Variants in TXNRD3 observed in about 807,000 individuals in gnomAD.
TXNRD3 encodes the protein TXNRD3 neighbor gene protein.
In TXNRD3, 68 loss-of-function variants were observed where a neutral mutation model predicts 78.2. That is an observed-to-expected ratio of 0.87 (90% CI 0.72 to 1.06). The LOEUF is 1.06. TXNRD3 is among the 50% of genes least tolerant of loss of function. TXNRD3 has a pLI of 0.00. For missense variants in TXNRD3, 751 were observed against 809.5 expected, an observed-to-expected ratio of 0.93 and a Z score of 0.88; for synonymous variants, 296 against 300.1, an observed-to-expected ratio of 0.99 and a Z score of 0.14.
At chr3:126,643,762 G>T (rs373849050) in intron 5 of TXNRD3, among the ~76,000 whole-genome samples, 1 of 151,382 alleles carries the variant, frequency 6.6e-6, no homozygotes, top group Non-Finnish European at 1.5e-5. Flanking sequence ...TAGAGACAAG[G>T]TCTCACTATA....
At chr3:126,624,416 T>C (rs186845338) in intron 10 of TXNRD3, among the ~76,000 whole-genome samples, 141 of 151,690 alleles carry the variant, frequency 9.3e-4, no homozygotes, top group African/African-American at 3.3e-3. Context: ...CACAGTTAAA[T>C]GGTCTTTCTT....
At position 126,607,881 on chromosome 3, in the gene TXNRD3, AAGG is replaced by A; in HGVS notation, c.*21_*23del. ...TCTTTGAGAGAAATGAGAATATGAC[AAGG>A]AGAACTAAACAGCAGCAGGCCTAGC... On this transcript the variant is annotated 3_prime_UTR_variant, in exon 16 of 16. Coordinates refer to ENST00000524230, the MANE Select transcript of TXNRD3 (RefSeq NM_052883.3). 6.7e-7 allele frequency: 1 copy of A among 1,492,074 alleles called. No homozygotes were observed. Among genetic ancestry groups the A allele is most frequent in the Non-Finnish European group, 9.0e-7 (1 of 1,114,710 alleles). 92.4% of individuals were successfully genotyped at this position (1,492,074 alleles called of 1,614,324 possible).
In TXNRD3 at chr3:126,615,423, G is replaced by A. The variant is rs1938295402; in HGVS notation, c.1564C>T (p.Leu522=). ...GATAATCCACAGCAACCATACTCCA[G>A]AGGAGTAAACACTGTAGTCGGAACA... The change falls in exon 13 of 16, where the codon CTG becomes TTG. Residue 522 remains leucine, a synonymous_variant. Coordinates refer to ENST00000524230, the MANE Select transcript of TXNRD3 (RefSeq NM_052883.3). 1 of 1,519,052 alleles carries A rather than the reference G, an allele frequency of 6.6e-7. No individual in the cohort carries two copies. The highest frequency in any genetic ancestry group is 8.8e-7 in the Non-Finnish European group (1 of 1,138,740). The allele number at this position is 1,519,052 out of a possible 1,614,324, so 94.1% of individuals were successfully genotyped here. A position where few individuals can be genotyped will look rare whatever the true frequency, so the allele number is the denominator to read the frequency against.
At chr3:126,625,873 G>A (rs1434207250) in intron 10 of TXNRD3, 1 of 152,348 alleles carries the variant, frequency 6.6e-6, no homozygotes, top group African/African-American at 2.4e-5. Flanking sequence ...TCTCATTGTG[G>A]TTTTGATTTG....
chr3:126,618,737 T>C (rs1453623332), intron 12 of TXNRD3, among the ~76,000 whole-genome samples: 1 of 151,882 alleles, frequency 6.6e-6, no homozygotes, highest in Non-Finnish European at 1.5e-5. Flanking sequence ...AAAAAGCTTC[T>C]GCAATCAGCA....
At chr3:126,616,559 A>T (rs1359850394) in intron 12 of TXNRD3, among the ~76,000 whole-genome samples, 2 of 152,208 alleles carry the variant, frequency 1.3e-5, no homozygotes, top group Admixed American at 1.3e-4. Context: ...AGTTAGGCCA[A>T]GGAGGAGCAC....
At position 126,607,981 on chromosome 3, in the gene TXNRD3, A is replaced by G; in HGVS notation, c.1864-8T>C. Reference sequence around the variant, plus strand: ...TTCCAAAGTCGTGAACACCTGTTCAAGAGAAAGAAAACAAATACATATTTA... The same window carrying G: ...TTCCAAAGTCGTGAACACCTGTTCAGGAGAAAGAAAACAAATACATATTTA... On this transcript the variant is annotated splice_region_variant and splice_polypyrimidine_tract_variant and intron_variant, in intron 15 of 15. Coordinates refer to ENST00000524230, the MANE Select transcript of TXNRD3 (RefSeq NM_052883.3). 3 of 1,489,526 alleles carry G rather than the reference A, an allele frequency of 2.0e-6. No individual in the cohort carries two copies. Among genetic ancestry groups the G allele is most frequent in the Non-Finnish European group, 2.7e-6 (3 of 1,114,756 alleles). The allele number at this position is 1,489,526 out of a possible 1,614,324, so 92.3% of individuals were successfully genotyped here.
Position 126,630,949 on chromosome 3 carries a change from AAAT to A in TXNRD3, c.972-15_972-13del, listed in dbSNP as rs1938700803. On this transcript the variant is annotated splice_polypyrimidine_tract_variant and intron_variant, in intron 8 of 15. Transcript: ENST00000524230. ...AAAAAAGGTCATCACTGAAAAATAA[AAAT>A]TAAAAAAAGAATACCTAGGCAGCAA... 6.5e-7 allele frequency: 1 copy of A among 1,531,472 alleles called. No homozygotes were observed. The highest frequency in any genetic ancestry group is 2.0e-5 in the Admixed American group (1 of 50,160). The allele number at this position is 1,531,472 out of a possible 1,614,324, so 94.9% of individuals were successfully genotyped here.
intron 6 of TXNRD3, among the ~76,000 whole-genome samples, chr3:126,635,624 T>A (rs866605831): frequency 6.6e-6 from 1 of 152,158 alleles, no homozygotes; most frequent in East Asian, 1.9e-4. Flanking sequence ...AAAAGTCTCA[T>A]GGAGATCTTA....
intron 14 of TXNRD3, chr3:126,609,264 T>C (rs986005921): frequency 7.0e-6 from 2 of 285,424 alleles, no homozygotes; most frequent in East Asian, 1.1e-4. Flanking sequence ...AAGCATACAA[T>C]AGATGAAGAG....
intron 6 of TXNRD3, among the ~76,000 whole-genome samples, chr3:126,636,925 ATT>A (rs34611548): frequency 2.4e-4 from 34 of 140,774 alleles, no homozygotes; most frequent in Non-Finnish European, 2.5e-4. Context: ...TTCTTTTGTG[ATT>A]TTTTTTTTTT....
At position 126,642,761 on chromosome 3, in the gene TXNRD3, G is replaced by C. The variant is rs150306041; in HGVS notation, c.593-610C>G. ...TGTTCACACACCACAAGAACATTATGAGAAAAATCGAAGTAGATTAGCTTT... is the reference window on the plus strand; with the variant it reads ...TGTTCACACACCACAAGAACATTATCAGAAAAATCGAAGTAGATTAGCTTT... On this transcript the variant is annotated intron_variant, in intron 5 of 15. Transcript: ENST00000524230. Among the ~76,000 whole-genome samples the C allele has an allele frequency of 4.4e-3, 672 of 152,300 alleles. 6 individuals are homozygous for C. The highest frequency in any genetic ancestry group is 0.013 in the African/African-American group (553 of 41,566).
In TXNRD3 at chr3:126,642,254, G is replaced by T. The variant is rs188614659; in HGVS notation, c.593-103C>A. The T allele has an allele frequency of 2.0e-5, 27 of 1,338,456 alleles. No individual in the cohort carries two copies. In the East Asian group the frequency reaches 7.4e-4, roughly 37 times the overall value. 82.9% of individuals were successfully genotyped at this position (1,338,456 alleles called of 1,614,324 possible). On this transcript the variant is annotated intron_variant, in intron 5 of 15. Coordinates refer to ENST00000524230, the MANE Select transcript of TXNRD3 (RefSeq NM_052883.3). ...GTGGAAATGACAAGCTCAATGGTGG[G>T]GGGGATGACACCCCACCCCAAAATA...
At chr3:126,619,745 C>T (rs1938403825) in intron 12 of TXNRD3, among the ~76,000 whole-genome samples, 1 of 152,072 alleles carries the variant, frequency 6.6e-6, no homozygotes, top group Non-Finnish European at 1.5e-5. Context: ...AAATGACAAA[C>T]GTTTGAGGTA....
chr3:126,638,727 TC>T (rs1932979641), intron 6 of TXNRD3, among the ~76,000 whole-genome samples: 1 of 151,944 alleles, frequency 6.6e-6, no homozygotes, highest in African/African-American at 2.4e-5. Context: ...ATAGTGAAAC[TC>T]CTCTGTCTCA....
chr3:126,615,665 G>A (rs936670985), intron 12 of TXNRD3, among the ~76,000 whole-genome samples: 2 of 152,152 alleles, frequency 1.3e-5, no homozygotes, highest in African/African-American at 2.4e-5. Flanking sequence ...ACCACACACT[G>A]GCTAGCCACC....
intron 13 of TXNRD3, among the ~76,000 whole-genome samples, chr3:126,614,592 A>G (rs372734808): frequency 3.5e-4 from 54 of 152,354 alleles, no homozygotes; most frequent in African/African-American, 1.1e-3. Context: ...TTCAAAAATA[A>G]CCATCTAAAA....
At chr3:126,615,155 C>T (rs931274550) in intron 13 of TXNRD3, among the ~76,000 whole-genome samples, 200 bp downstream of exon 13, 23 of 152,078 alleles carry the variant, frequency 1.5e-4, no homozygotes, top group African/African-American at 5.3e-4. Flanking sequence ...ATTACACTTC[C>T]CTCTTTCCCA....
At chr3:126,621,318 T>G (rs979115532) in intron 12 of TXNRD3, among the ~76,000 whole-genome samples, 10 of 152,240 alleles carry the variant, frequency 6.6e-5, no homozygotes, top group Admixed American at 2.6e-4. Context: ...GAATCCTGAT[T>G]CATGCCAAGA....
Sources: gnomAD v4.1 joint callset for allele counts (sites outside exome capture counted in the v4.1 genomes callset) on GRCh38, gnomAD v4.1.1 for gene constraint, MANE v1.5 for transcripts, NCBI Gene and HGNC (gene_info 2026-07-23, HGNC 2026-07-21) for gene names.